The following DNMT1 variants were observed in gnomAD, a reference collection of about 807,000 sequenced individuals.
DNMT1 encodes the protein DNA (cytosine-5)-methyltransferase 1.
In DNMT1, 24 loss-of-function variants were observed where a neutral mutation model predicts 205.3. The ratio of observed to expected loss-of-function variants is 0.12; its 90% CI spans 0.08 to 0.16. The LOEUF is 0.16. DNMT1 is among the 10% of genes least tolerant of loss of function. The pLI is 1.00. For synonymous variants in DNMT1, 817 were observed against 839.8 expected (o/e 0.97, Z 0.47); for missense variants, 1,293 against 2,177.7 (o/e 0.59, Z 8.09).
rs115729223 is a variant in DNMT1 at position 10,133,571 on chromosome 19, A to G, written c.*96T>C. On this transcript the variant is annotated 3_prime_UTR_variant, in exon 41 of 41. Transcript: ENST00000359526. The surrounding 1 kb of genome is among the most constrained non-coding windows in gnomAD (Gnocchi z 4.1). Reference sequence around the variant, plus strand: ...GCCAAGGCCACAAACACCATGTACCACACATGTGAACGGACAGATTGACAT... The same window carrying G: ...GCCAAGGCCACAAACACCATGTACCGCACATGTGAACGGACAGATTGACAT... 3.2e-4 allele frequency: 452 copies of G among 1,418,414 alleles called. 1 individual carries two copies. The African/African-American group carries it at 5.3e-3, about 17-fold the overall frequency. 87.9% of individuals were successfully genotyped at this position (1,418,414 alleles called of 1,614,324 possible). A position where few individuals can be genotyped will look rare whatever the true frequency, so the allele number is the denominator to read the frequency against.
At chr19:10,134,367 A>C in intron 39 of DNMT1, 60 bp from the exon 40 acceptor site, 1 of 1,507,108 alleles carries the variant, frequency 6.6e-7, no homozygotes, top group Non-Finnish European at 9.2e-7. Flanking sequence ...GCCCGGGGGC[A>C]GGTGTACTGC....
At chr19:10,155,738 A>G in intron 19 of DNMT1, 115 bp downstream of exon 19, 1 of 1,106,310 alleles carries the variant, frequency 9.0e-7, no homozygotes, top group Non-Finnish European at 1.3e-6. Context: ...TCCCAGTCAC[A>G]TGGCCTTCTG....
Position 10,194,950 on chromosome 19 carries a change from T to C in DNMT1, c.-51A>G. On this transcript the variant is annotated 5_prime_UTR_variant, in exon 1 of 41. Coordinates refer to ENST00000359526, the MANE Select transcript of DNMT1 (RefSeq NM_001130823.3). ...GCGGCAGCGCAGGCGCCCCGGCTTTTCGCGCGGAAACCGATGGGGAGGGGC... is the reference window on the plus strand; with the variant it reads ...GCGGCAGCGCAGGCGCCCCGGCTTTCCGCGCGGAAACCGATGGGGAGGGGC... 1 of 1,563,810 alleles carries C rather than the reference T, an allele frequency of 6.4e-7. No individual in the cohort carries two copies. Among genetic ancestry groups the C allele is most frequent in the Non-Finnish European group, 8.6e-7 (1 of 1,156,804 alleles).
At chr19:10,147,771 C>T (rs2038229823) in intron 27 of DNMT1, among the ~76,000 whole-genome samples, 1 of 151,964 alleles carries the variant, frequency 6.6e-6, no homozygotes, top group Admixed American at 6.6e-5. Context: ...TTAGTTGAAA[C>T]AAGTGAGGTA....
At chr19:10,188,964 A>G (rs2039248017) in intron 1 of DNMT1, among the ~76,000 whole-genome samples, 1 of 152,164 alleles carries the variant, frequency 6.6e-6, no homozygotes, top group African/African-American at 2.4e-5. Flanking sequence ...GCCCCCAGAA[A>G]GGAATGCAGC....
chr19:10,155,063 T>C lies in DNMT1; in HGVS notation c.1493-7A>G. On this transcript the variant is annotated splice_region_variant and splice_polypyrimidine_tract_variant and intron_variant, in intron 19 of 40. Coordinates refer to ENST00000359526, the MANE Select transcript of DNMT1 (RefSeq NM_001130823.3). The stretch of plus-strand genomic sequence containing the variant: ...AGAATGTATTCGGCAAATGCTGGGG[T>C]GAACAGAGGAGGTGTGGAAAAGGGG... 1 of 1,613,758 alleles carries C rather than the reference T, an allele frequency of 6.2e-7. No homozygotes were observed. Among genetic ancestry groups the C allele is most frequent in the Non-Finnish European group, 8.5e-7 (1 of 1,179,972 alleles).
intron 11 of DNMT1, 104 bp downstream of exon 11, chr19:10,166,494 A>C: frequency 7.2e-7 from 1 of 1,396,702 alleles, no homozygotes; most frequent in Non-Finnish European, 1.0e-6. Context: ...GCCTGGGTGG[A>C]TGGGGCTGGA....
chr19:10,161,725 A>T (rs1437417681), intron 13 of DNMT1, among the ~76,000 whole-genome samples: 4 of 152,206 alleles, frequency 2.6e-5, no homozygotes, highest in Admixed American at 2.6e-4. Flanking sequence ...TGCAAAATTC[A>T]TATGTTAAGA....
intron 13 of DNMT1, among the ~76,000 whole-genome samples, chr19:10,160,860 C>G (rs1384038796): frequency 2.6e-5 from 4 of 152,186 alleles, no homozygotes; most frequent in African/African-American, 9.6e-5. Flanking sequence ...GCATTCCAGC[C>G]TGGGCGACAG....
intron 1 of DNMT1, among the ~76,000 whole-genome samples, chr19:10,188,607 C>T (rs778671000): frequency 1.3e-5 from 2 of 152,116 alleles, no homozygotes; most frequent in African/African-American, 2.4e-5. Context: ...TATTACTTTA[C>T]GTGGCCAAAG....
intron 9 of DNMT1, among the ~76,000 whole-genome samples, chr19:10,170,264 G>C (rs1042408184): frequency 6.6e-6 from 1 of 151,930 alleles, no homozygotes; most frequent in Non-Finnish European, 1.5e-5. Flanking sequence ...CAGCCTGAGC[G>C]AAAGAGCAAA....
rs1198191725 is a variant in DNMT1 at position 10,151,634 on chromosome 19, C to T, written c.2118-89G>A. The T allele has an allele frequency of 1.2e-6, 2 of 1,609,616 alleles. No individual in the cohort carries two copies. The highest frequency in any genetic ancestry group is 2.2e-5 in the East Asian group (1 of 44,876). ...TTCATAACAGGGACAGGTCCTGAGACAATGCCTAACGAAGGAATCCTGGTG... is the reference window on the plus strand; with the variant it reads ...TTCATAACAGGGACAGGTCCTGAGATAATGCCTAACGAAGGAATCCTGGTG... On this transcript the variant is annotated intron_variant, in intron 23 of 40. Coordinates refer to ENST00000359526, the MANE Select transcript of DNMT1 (RefSeq NM_001130823.3). The surrounding 1 kb of genome is among the most constrained non-coding windows in gnomAD (Gnocchi z 5.0).
Position 10,156,368 on chromosome 19 carries a change from C to T in DNMT1, c.1399+23G>A. On this transcript the variant is annotated intron_variant, in intron 18 of 40. Transcript: ENST00000359526. The surrounding 1 kb of genome is among the most constrained non-coding windows in gnomAD (Gnocchi z 4.2). ...GGCTGTTTTTAAAGTGTGCCCCAAA[C>T]ATAATCCCGGACTATTCCTTACCTT... 1 of 1,584,412 alleles carries T rather than the reference C, an allele frequency of 6.3e-7. No homozygotes were observed.
At position 10,159,845 on chromosome 19, in the gene DNMT1, G is replaced by A. The variant is rs140747287; in HGVS notation, c.1167C>T (p.Asp389=). ...PDLKYGQHPP[D]AVDEPQMLTN... ...CTGGGAAGAGAGCTGTACGTACCGC[G>A]TCTGGTGGGTGCTGCCCATATTTGA... is the stretch of plus-strand genomic sequence containing the variant. The change falls in exon 16 of 41, where the codon GAC becomes GAT. Residue 389 remains aspartate, a synonymous_variant. Transcript: ENST00000359526. The surrounding 1 kb of genome is among the most constrained non-coding windows in gnomAD (Gnocchi z 5.0). The A allele has an allele frequency of 1.8e-5, 29 of 1,614,120 alleles. No homozygotes were observed. Among genetic ancestry groups the A allele is most frequent in the South Asian group, 1.1e-4 (10 of 91,092 alleles).
rs539976454 is a variant in DNMT1 at position 10,179,555 on chromosome 19, T to C, written c.493+632A>G. Among the ~76,000 whole-genome samples the C allele has an allele frequency of 2.0e-5, 3 of 152,182 alleles. No homozygotes were observed. In the South Asian group the frequency reaches 6.2e-4, roughly 32 times the overall value. On this transcript the variant is annotated intron_variant, in intron 5 of 40. Transcript: ENST00000359526. ...CCAGCTAAGACAAAATTTAAAGACG[T>C]ACACATCTAAGCTAGTTAGGAAGTG...
intron 17 of DNMT1, among the ~76,000 whole-genome samples, chr19:10,157,684 A>G (rs1211996094): frequency 6.6e-6 from 1 of 152,186 alleles, no homozygotes; most frequent in African/African-American, 2.4e-5. Flanking sequence ...AACACTGCAT[A>G]CCTCCTGCGG....
At chr19:10,149,758 G>C (rs1159052736) in intron 25 of DNMT1, 95 bp downstream of exon 25, 2 of 1,605,292 alleles carry the variant, frequency 1.2e-6, no homozygotes, top group Admixed American at 1.7e-5. Context: ...TTTTCATCTA[G>C]GGCAAAAAGC....
chr19:10,134,147 G>T lies in DNMT1; in HGVS notation c.4864+70C>A, dbSNP rs558599730. 90 of 1,560,206 alleles carry T rather than the reference G, an allele frequency of 5.8e-5. No individual in the cohort carries two copies. The East Asian group carries it at 1.9e-3, about 33-fold the overall frequency. On this transcript the variant is annotated intron_variant, in intron 40 of 40. Transcript: ENST00000359526. Reference sequence around the variant, plus strand: ...GTCCCAGAGCCCAAAACGGTGGCCAGCAACTGCCCCCACATGTACCCCCAG... The same window carrying T: ...GTCCCAGAGCCCAAAACGGTGGCCATCAACTGCCCCCACATGTACCCCCAG...
chr19:10,149,561 G>A lies in DNMT1; in HGVS notation c.2478C>T (p.Asp826=), dbSNP rs974103564. Residue 826 remains aspartate, a synonymous_variant, in exon 26 of 41, where the codon GAC becomes GAT. Coordinates refer to ENST00000359526, the MANE Select transcript of DNMT1 (RefSeq NM_001130823.3). The stretch of plus-strand genomic sequence containing the variant: ...CATCCACCAAGAACAGCTCCAGAGG[G>A]TCCGACGTGGCCCCGAGGACTGTGT... ...GTDTVLGATS[D]PLELFLVDEC... 5.6e-6 allele frequency: 9 copies of A among 1,613,884 alleles called. No individual in the cohort carries two copies. In the African/African-American group the frequency reaches 9.4e-5, roughly 17 times the overall value.
Sources: allele counts gnomAD v4.1 joint callset (sites outside exome capture counted in the v4.1 genomes callset), GRCh38; gene constraint gnomAD v4.1.1; non-coding constraint Gnocchi (gnomAD v3.1); transcripts MANE v1.5; gene names NCBI Gene and HGNC (gene_info 2026-07-23, HGNC 2026-07-21).